The following RIPOR2 variants were observed in gnomAD, a reference collection of about 807,000 sequenced individuals.
RIPOR2 encodes rho family-interacting cell polarization regulator 2.
In RIPOR2, 39 loss-of-function variants were observed where a neutral mutation model predicts 114.5. The ratio of observed to expected loss-of-function variants is 0.34; its 90% CI spans 0.26 to 0.44. RIPOR2 has a LOEUF of 0.44. Among genes scored for constraint, RIPOR2 ranks in the 20% least tolerant of loss-of-function variants. The probability of loss-of-function intolerance (pLI) is 1.00; values close to 1 mark genes in which losing one functional copy is unlikely to be tolerated. For synonymous variants in RIPOR2, 445 were observed against 484.4 expected, an observed-to-expected ratio of 0.92 and a Z score of 1.07; for missense variants, 1,007 against 1,255.1, an observed-to-expected ratio of 0.80 and a Z score of 2.99.
chr6:24,913,177 G>GTA (rs951194116), intron 1 of RIPOR2, among the ~76,000 whole-genome samples: 1 of 151,168 alleles, frequency 6.6e-6, no homozygotes, highest in Non-Finnish European at 1.5e-5. Context: ...GTGTGTGTGT[G>GTA]TATGTGCACA....
At chr6:24,928,536 CTGAA>C (rs1297962824) in intron 1 of RIPOR2, among the ~76,000 whole-genome samples, 4 of 152,310 alleles carry the variant, frequency 2.6e-5, no homozygotes, top group African/African-American at 9.6e-5. Context: ...ACTTCTTACA[CTGAA>C]TGAACAGTTT....
chr6:24,835,961 A>G, intron 14 of RIPOR2, 90 bp from the exon 15 acceptor site: 1 of 1,220,216 alleles, frequency 8.2e-7, no homozygotes, highest in Non-Finnish European at 1.2e-6. Context: ...CCCCAACAGC[A>G]CCCACTGAAA....
Position 24,861,014 on chromosome 6 carries a change from T to C in RIPOR2, c.674A>G (p.Glu225Gly). 1 of 1,610,574 alleles carries C rather than the reference T, an allele frequency of 6.2e-7. No individual in the cohort carries two copies. Among genetic ancestry groups the C allele is most frequent in the African/African-American group, 1.3e-5 (1 of 75,006 alleles). Reference sequence around the variant, plus strand: ...GAATTCTCCCAGCAGATTCTCTAGCTCCACTTCAATGGTGCACATATTCTG... The same window carrying C: ...GAATTCTCCCAGCAGATTCTCTAGCCCCACTTCAATGGTGCACATATTCTG... ...YTENMCTIEV[E>G]LENLLGEFSI... Residue 225 changes from glutamate to glycine, a missense_variant, in exon 8 of 22, where the codon GAG becomes GGG. Physicochemically the swap from Glu to Gly is moderately conservative, Grantham distance 98 (BLOSUM62 -2). Transcript: ENST00000643898.
At chr6:25,026,838 C>A (rs1776649884) in intron 1 of RIPOR2, among the ~76,000 whole-genome samples, 1 of 152,120 alleles carries the variant, frequency 6.6e-6, no homozygotes, top group Admixed American at 6.5e-5. Flanking sequence ...AGGCTGAGGC[C>A]TGGGGGAAAT....
intron 1 of RIPOR2, among the ~76,000 whole-genome samples, chr6:24,944,976 T>C (rs1049019420): frequency 6.6e-6 from 1 of 152,132 alleles, no homozygotes; most frequent in Non-Finnish European, 1.5e-5. Flanking sequence ...TTGACAGTAA[T>C]TTATTATATA....
At position 24,805,135 on chromosome 6, in the gene RIPOR2, G is replaced by A. The variant is rs1282517647; in HGVS notation, c.*1238C>T. On this transcript the variant is annotated 3_prime_UTR_variant, in exon 22 of 22. Transcript: ENST00000643898. The stretch of plus-strand genomic sequence containing the variant: ...GACTTCTAGGTTCCTCCACCTCAAA[G>A]AGCATCACAGGTTTGTGAATCTACA... 1 of 151,932 alleles carries A rather than the reference G, an allele frequency of 6.6e-6. No homozygotes were observed. The highest frequency in any genetic ancestry group is 1.5e-5 in the Non-Finnish European group (1 of 68,028). 9.4% of individuals were successfully genotyped at this position (151,932 alleles called of 1,614,324 possible). A position where few individuals can be genotyped will look rare whatever the true frequency, so the allele number is the denominator to read the frequency against.
intron 10 of RIPOR2, 38 bp downstream of exon 10, chr6:24,850,559 G>A: frequency 1.2e-6 from 2 of 1,612,488 alleles, no homozygotes; most frequent in Non-Finnish European, 1.7e-6. Flanking sequence ...ATCCAGCCGT[G>A]GCACCAGGAA....
chr6:25,005,250 C>T (rs1417138586), intron 1 of RIPOR2, among the ~76,000 whole-genome samples: 1 of 152,132 alleles, frequency 6.6e-6, no homozygotes, highest in Non-Finnish European at 1.5e-5. Context: ...TTTTCATCTA[C>T]GAGGCTGACT....
intron 1 of RIPOR2, among the ~76,000 whole-genome samples, chr6:25,013,063 C>T (rs1334837558): frequency 1.3e-5 from 2 of 150,964 alleles, no homozygotes; most frequent in Non-Finnish European, 2.9e-5. Flanking sequence ...AGGTGAGCAT[C>T]TGCAGAATGC....
At chr6:24,868,238 A>G (rs1764820042) in intron 6 of RIPOR2, among the ~76,000 whole-genome samples, 1 of 152,102 alleles carries the variant, frequency 6.6e-6, no homozygotes. Context: ...AAATCTGTGT[A>G]CCTCCCCAGC....
chr6:24,959,278 T>C lies in RIPOR2; in HGVS notation c.76+82573A>G, dbSNP rs9467364. Among the ~76,000 whole-genome samples the C allele has an allele frequency of 5.1e-4, 78 of 152,256 alleles. 1 individual carries two copies. Among genetic ancestry groups the C allele is most frequent in the Admixed American group, 5.0e-3 (76 of 15,298 alleles). ...TACCAAAGGTTAGGACTTCAACATA[T>C]CTTTTTATGGGGACAAAATTCAACT... On this transcript the variant is annotated intron_variant, in intron 1 of 13. Transcript: ENST00000510784.
chr6:24,973,895 G>C (rs9358811), intron 1 of RIPOR2, among the ~76,000 whole-genome samples: 25,461 of 152,128 alleles, frequency 0.17, 2,919 homozygotes, highest in East Asian at 0.54. Flanking sequence ...GCTAAATCTT[G>C]GGGACACATG....
At chr6:24,961,692 A>T (rs886551098) in intron 1 of RIPOR2, among the ~76,000 whole-genome samples, 1 of 151,222 alleles carries the variant, frequency 6.6e-6, no homozygotes, top group Non-Finnish European at 1.5e-5. Flanking sequence ...CAGTGGCACA[A>T]TCTAAGCTCA....
Position 24,806,422 on chromosome 6 carries a change from C to T in RIPOR2, c.3095G>A (p.Cys1032Tyr), listed in dbSNP as rs2113610927. 3 of 1,551,832 alleles carry T rather than the reference C, an allele frequency of 1.9e-6. No homozygotes were observed. The highest frequency in any genetic ancestry group is 1.4e-5 in the African/African-American group (1 of 73,172). Residue 1032 changes from cysteine (C) to tyrosine (Y), a missense_variant, in exon 22 of 22, where the codon TGT (cysteine) becomes TAT (tyrosine). Coordinates refer to ENST00000643898, the MANE Select transcript of RIPOR2 (RefSeq NM_001286445.3). ...TCCATGACGACCTCCGACTTTAACA[C>T]AGTCTCGAGGAAATTTGTCCAATTG... The part of the protein sequence containing the change: ...YEQLDKFPRD[C>Y]VKVGGRHGTE...
chr6:24,892,198 T>C (rs1767432539), intron 1 of RIPOR2, among the ~76,000 whole-genome samples: 4 of 152,164 alleles, frequency 2.6e-5, no homozygotes, highest in Admixed American at 2.6e-4. Context: ...TTCCCAAGAC[T>C]CCCGTCTCCC....
chr6:24,837,091 T>C (rs1389729724), intron 14 of RIPOR2, among the ~76,000 whole-genome samples: 2 of 152,238 alleles, frequency 1.3e-5, no homozygotes, highest in East Asian at 1.9e-4. Flanking sequence ...ACAAATTCTA[T>C]CAAGCTAAAA....
chr6:24,997,325 T>TTACTACA (rs1347275600), intron 1 of RIPOR2, among the ~76,000 whole-genome samples: 3 of 152,012 alleles, frequency 2.0e-5, no homozygotes, highest in African/African-American at 7.3e-5. Flanking sequence ...AACACTGCGT[T>TTACTACA]AGGCATTTGG....
intron 1 of RIPOR2, among the ~76,000 whole-genome samples, chr6:24,888,316 A>G (rs1767014953): frequency 6.6e-6 from 1 of 152,300 alleles, no homozygotes; most frequent in South Asian, 2.1e-4. Context: ...GCATATTTGC[A>G]TGCAGCCTGT....
intron 1 of RIPOR2, among the ~76,000 whole-genome samples, chr6:25,036,027 G>T (rs1172240729): frequency 6.6e-6 from 1 of 152,174 alleles, no homozygotes; most frequent in Non-Finnish European, 1.5e-5. Context: ...AGACAGGAGA[G>T]CCCTCCTTCG....
Sources: allele counts gnomAD v4.1 joint callset (sites outside exome capture counted in the v4.1 genomes callset), GRCh38; gene constraint gnomAD v4.1.1; transcripts MANE v1.5; gene names NCBI Gene and HGNC (gene_info 2026-07-23, HGNC 2026-07-21).